The following CALN1 variants were observed in gnomAD, a reference collection of about 807,000 sequenced individuals.
CALN1 encodes the protein calcium-binding protein 8.
CALN1 carries 17 observed loss-of-function variants against 30.6 expected under a neutral mutation model. That is an observed-to-expected ratio of 0.56 (90% CI 0.38 to 0.83). CALN1 has a LOEUF of 0.83. CALN1 is among the 40% of genes least tolerant of loss of function. The pLI is 0.00. For synonymous variants in CALN1, 156 were observed against 131.4 expected, an observed-to-expected ratio of 1.19 and a Z score of -1.28; for missense variants, 291 against 354.9, an observed-to-expected ratio of 0.82 and a Z score of 1.45.
At chr7:72,288,785 T>A (rs1798273546) in intron 2 of CALN1, among the ~76,000 whole-genome samples, 1 of 152,252 alleles carries the variant, frequency 6.6e-6, no homozygotes, top group Non-Finnish European at 1.5e-5. Context: ...CACTGCTTTG[T>A]CCTTCTATGT....
intron 2 of CALN1, among the ~76,000 whole-genome samples, chr7:72,318,135 G>A (rs768542569): frequency 1.1e-4 from 17 of 152,038 alleles, no homozygotes; most frequent in Admixed American, 2.0e-4. Flanking sequence ...CTATTTCAAA[G>A]GACTCTACAA....
rs150125651 is a variant in CALN1 at position 72,238,919 on chromosome 7, C to T, written c.244+39767G>A. Among the ~76,000 whole-genome samples, 6 of 152,284 alleles carry T rather than the reference C, an allele frequency of 3.9e-5. No individual in the cohort carries two copies. In the South Asian group the frequency reaches 1.2e-3, roughly 32 times the overall value. ...AGAAAAGATTGTGACAAGACAGAGA[C>T]CCAGACCTCTCATGATCAGACATCC... On this transcript the variant is annotated intron_variant, in intron 3 of 6. Transcript: ENST00000395275.
chr7:71,863,955 T>TGA (rs1347757477), intron 5 of CALN1, among the ~76,000 whole-genome samples: 1 of 152,238 alleles, frequency 6.6e-6, no homozygotes, highest in East Asian at 1.9e-4. Flanking sequence ...TGGCCCAAGC[T>TGA]GAGCTCTTTA....
chr7:72,396,224 C>CT (rs1295562058), intron 2 of CALN1, among the ~76,000 whole-genome samples: 1 of 84,666 alleles, frequency 1.2e-5, no homozygotes, highest in Non-Finnish European at 2.2e-5. Context: ...TGGTGAAACT[C>CT]TTGTCTCTAC....
chr7:72,389,957 A>G (rs1805471785), intron 2 of CALN1, among the ~76,000 whole-genome samples: 1 of 151,720 alleles, frequency 6.6e-6, no homozygotes, highest in Non-Finnish European at 1.5e-5. Flanking sequence ...GAAAAGAAAA[A>G]AAAGGGGAGA....
intron 2 of CALN1, among the ~76,000 whole-genome samples, chr7:72,331,884 T>C (rs1346833888): frequency 6.6e-6 from 1 of 152,168 alleles, no homozygotes. Context: ...GGCCCCAGTG[T>C]GTTTGTGCAT....
intron 4 of CALN1, among the ~76,000 whole-genome samples, chr7:72,062,387 C>CTACA (rs1375496755): frequency 2.0e-5 from 3 of 151,644 alleles, no homozygotes; most frequent in Admixed American, 2.0e-4. Context: ...TGGTGTATGC[C>CTACA]TGTAGTCCCA....
intron 5 of CALN1, among the ~76,000 whole-genome samples, chr7:72,013,456 C>T (rs1438402412): frequency 6.6e-6 from 1 of 151,644 alleles, no homozygotes; most frequent in Non-Finnish European, 1.5e-5. Flanking sequence ...CTCACTATGT[C>T]GCCTAGGCTC....
intron 2 of CALN1, among the ~76,000 whole-genome samples, chr7:72,340,381 T>C (rs1475711827): frequency 1.3e-5 from 2 of 151,550 alleles, no homozygotes; most frequent in African/African-American, 4.9e-5. Context: ...GGGCCTCTGC[T>C]CCCAGATGTC....
At chr7:72,277,003 T>C (rs1355010604) in intron 3 of CALN1, among the ~76,000 whole-genome samples, 1 of 152,190 alleles carries the variant, frequency 6.6e-6, no homozygotes, top group Non-Finnish European at 1.5e-5. Context: ...GCTGGCACCT[T>C]GATCTTAGAC....
At chr7:72,274,031 A>AT (rs1797179984) in intron 3 of CALN1, among the ~76,000 whole-genome samples, 1 of 152,148 alleles carries the variant, frequency 6.6e-6, no homozygotes, top group Middle Eastern at 3.2e-3. Context: ...AACAGAAGAG[A>AT]TTTTCACAAA....
intron 5 of CALN1, among the ~76,000 whole-genome samples, chr7:71,960,094 C>A (rs1014237055): frequency 6.7e-6 from 1 of 149,688 alleles, no homozygotes; most frequent in Non-Finnish European, 1.5e-5. Context: ...GATGGCACCA[C>A]TGCACTCCAG....
At chr7:71,931,550 C>T (rs764945732) in intron 5 of CALN1, among the ~76,000 whole-genome samples, 5 of 152,152 alleles carry the variant, frequency 3.3e-5, no homozygotes, top group African/African-American at 9.7e-5. Flanking sequence ...TACAAGCATG[C>T]GCCACCGCGC....
chr7:72,373,858 G>C (rs1804391718), intron 2 of CALN1, among the ~76,000 whole-genome samples: 1 of 152,142 alleles, frequency 6.6e-6, no homozygotes, highest in African/African-American at 2.4e-5. Flanking sequence ...AAAACATCTT[G>C]AAAGTAAACA....
At chr7:72,048,755 T>C (rs918060883) in intron 4 of CALN1, among the ~76,000 whole-genome samples, 3 of 151,234 alleles carry the variant, frequency 2.0e-5, no homozygotes, top group African/African-American at 7.3e-5. Context: ...CCTCCTTCCT[T>C]CCTTTCCTCC....
intron 2 of CALN1, among the ~76,000 whole-genome samples, chr7:72,361,370 A>G (rs1803558994): frequency 6.6e-6 from 1 of 152,026 alleles, no homozygotes; most frequent in Non-Finnish European, 1.5e-5. Flanking sequence ...ACCAGGTGTG[A>G]TGATGTGCAC....
chr7:72,457,397 C>T, the CALN1 span, among the ~76,000 whole-genome samples: 2 of 152,166 alleles, frequency 1.3e-5, no homozygotes, highest in African/African-American at 4.8e-5. Context: ...TTCCAGCTCC[C>T]ACTGAAAGTA....
intron 5 of CALN1, among the ~76,000 whole-genome samples, chr7:71,870,390 A>G (rs914359758): frequency 6.6e-6 from 1 of 152,094 alleles, no homozygotes; most frequent in Admixed American, 6.5e-5. Flanking sequence ...CTAAAAAAAA[A>G]AAAAATGAGT....
intron 1 of CALN1, among the ~76,000 whole-genome samples, chr7:72,417,586 G>A (rs906259511): frequency 2.6e-5 from 4 of 152,202 alleles, no homozygotes; most frequent in Non-Finnish European, 4.4e-5. Flanking sequence ...TGCATTGTGT[G>A]TTTGAATGTA....
Sources: gnomAD v4.1 joint callset for allele counts (sites outside exome capture counted in the v4.1 genomes callset) on GRCh38, gnomAD v4.1.1 for gene constraint, MANE v1.5 for transcripts, NCBI Gene and HGNC (gene_info 2026-07-23, HGNC 2026-07-21) for gene names.